The following LRMDA variants were observed in gnomAD, a reference collection of about 807,000 sequenced individuals.
The protein encoded by LRMDA is leucine-rich melanocyte differentiation-associated protein.
LRMDA carries 18 observed loss-of-function variants against 29.8 expected under a neutral mutation model. That is an observed-to-expected ratio of 0.60 (90% CI 0.42 to 0.90). LRMDA has a LOEUF of 0.90. LRMDA is among the 40% of genes least tolerant of loss of function. LRMDA has a pLI of 0.00. For missense variants in LRMDA, 273 were observed against 273.9 expected, an observed-to-expected ratio of 1.00 and a Z score of 0.02; for synonymous variants, 125 against 109.4, an observed-to-expected ratio of 1.14 and a Z score of -0.89.
At chr10:76,239,468 C>A (rs548273746) in intron 5 of LRMDA, among the ~76,000 whole-genome samples, 2 of 152,260 alleles carry the variant, frequency 1.3e-5, no homozygotes, top group East Asian at 3.9e-4. Flanking sequence ...GATTCAGTGT[C>A]CAAACACAGC....
chr10:75,781,670 T>C (rs1183168908), intron 2 of LRMDA, among the ~76,000 whole-genome samples: 2 of 152,146 alleles, frequency 1.3e-5, no homozygotes, highest in African/African-American at 4.8e-5. Flanking sequence ...TCGATTCACA[T>C]GCAAACTAGT....
chr10:75,605,328 A>T (rs1840943012), intron 2 of LRMDA, among the ~76,000 whole-genome samples: 1 of 152,204 alleles, frequency 6.6e-6, no homozygotes, highest in Non-Finnish European at 1.5e-5. Flanking sequence ...TATAGAAGAC[A>T]GTCTGTTCCA....
In LRMDA at chr10:76,078,422, A is replaced by G. The variant is rs150685408; in HGVS notation, c.516+19639A>G. On this transcript the variant is annotated intron_variant, in intron 5 of 6. Coordinates refer to ENST00000611255, the MANE Select transcript of LRMDA (RefSeq NM_001305581.2). ...TCCCAGCTTTTGAGAAAATTATTGG[A>G]CCTGTTATTACTGGAAGGAGGAGAA... is the stretch of plus-strand genomic sequence containing the variant. Among the ~76,000 whole-genome samples, 339 of 152,166 alleles carry G rather than the reference A, an allele frequency of 2.2e-3. 6 individuals are homozygous for G. The highest frequency in any genetic ancestry group is 7.1e-3 in the African/African-American group (293 of 41,518).
At chr10:76,176,027 A>G (rs977278391) in intron 5 of LRMDA, among the ~76,000 whole-genome samples, 3 of 152,220 alleles carry the variant, frequency 2.0e-5, no homozygotes, top group Admixed American at 6.5e-5. Flanking sequence ...GAGGCCTGCC[A>G]GACGGTGGGC....
At chr10:75,627,054 G>A (rs139336314) in intron 2 of LRMDA, among the ~76,000 whole-genome samples, 3 of 152,276 alleles carry the variant, frequency 2.0e-5, no homozygotes, top group African/African-American at 4.8e-5. Context: ...GGGCTGCATT[G>A]GTTCATGCTA....
At chr10:76,427,004 T>C (rs1435101455) in intron 6 of LRMDA, among the ~76,000 whole-genome samples, 2 of 152,338 alleles carry the variant, frequency 1.3e-5, no homozygotes, top group East Asian at 3.9e-4. Context: ...TTGGTTACTG[T>C]AGCCTTGTAG....
chr10:75,790,854 C>T (rs1185106754), intron 2 of LRMDA, among the ~76,000 whole-genome samples: 2 of 152,210 alleles, frequency 1.3e-5, no homozygotes, highest in African/African-American at 4.8e-5. Flanking sequence ...GACAAGCTAT[C>T]TAAGAACTGC....
chr10:75,868,165 G>A (rs917511380), intron 2 of LRMDA, among the ~76,000 whole-genome samples: 6 of 152,104 alleles, frequency 3.9e-5, no homozygotes, highest in South Asian at 2.1e-4. Context: ...GTTGGCTGTC[G>A]TCTTGGTAGG....
intron 2 of LRMDA, among the ~76,000 whole-genome samples, chr10:76,016,431 TA>T (rs1847880433): frequency 6.6e-6 from 1 of 152,160 alleles, no homozygotes; most frequent in African/African-American, 2.4e-5. Flanking sequence ...AGTGTTAACA[TA>T]ATAACCATTG....
At chr10:75,440,543 G>C (rs1435389729) in intron 2 of LRMDA, among the ~76,000 whole-genome samples, 1 of 152,106 alleles carries the variant, frequency 6.6e-6, no homozygotes, top group African/African-American at 2.4e-5. Context: ...CTCCTGACTT[G>C]AGTTGGGTGT....
At chr10:76,077,129 A>G (rs879856365) in intron 5 of LRMDA, among the ~76,000 whole-genome samples, 4 of 152,080 alleles carry the variant, frequency 2.6e-5, no homozygotes, top group Non-Finnish European at 5.9e-5. Context: ...CCCATCCCAA[A>G]TCATAGGCTG....
chr10:75,499,803 T>A (rs1157010944), intron 2 of LRMDA, among the ~76,000 whole-genome samples: 1 of 152,128 alleles, frequency 6.6e-6, no homozygotes, highest in African/African-American at 2.4e-5. Context: ...TGGGTAACAC[T>A]GCTTTCTCCC....
intron 6 of LRMDA, among the ~76,000 whole-genome samples, chr10:76,377,316 A>G (rs1841534059): frequency 6.6e-6 from 1 of 152,144 alleles, no homozygotes; most frequent in South Asian, 2.1e-4. Flanking sequence ...TTGGATGCAT[A>G]GTTTACAGAT....
chr10:75,895,640 A>C (rs575942112), intron 2 of LRMDA, among the ~76,000 whole-genome samples: 1 of 152,342 alleles, frequency 6.6e-6, no homozygotes, highest in Admixed American at 6.5e-5. Context: ...AGTAAATGTC[A>C]GGTATTACAT....
intron 2 of LRMDA, among the ~76,000 whole-genome samples, chr10:75,474,533 C>T (rs997956956): frequency 1.3e-5 from 2 of 152,202 alleles, no homozygotes; most frequent in African/African-American, 4.8e-5. Flanking sequence ...ATACCATCAT[C>T]TCGAGGGTGA....
At chr10:76,144,432 G>T (rs1306092151) in intron 5 of LRMDA, among the ~76,000 whole-genome samples, 1 of 151,942 alleles carries the variant, frequency 6.6e-6, no homozygotes, top group East Asian at 1.9e-4. Flanking sequence ...GGATTCCTAG[G>T]TATTTTATTC....
intron 1 of LRMDA, among the ~76,000 whole-genome samples, chr10:75,437,950 G>T (rs1844280173): frequency 6.6e-6 from 1 of 152,184 alleles, no homozygotes; most frequent in Non-Finnish European, 1.5e-5. Flanking sequence ...TTGGATGCTG[G>T]TAAGTGCATC....
At chr10:75,477,555 T>C (rs1283878603) in intron 2 of LRMDA, among the ~76,000 whole-genome samples, 7 of 152,246 alleles carry the variant, frequency 4.6e-5, no homozygotes, top group Non-Finnish European at 1.0e-4. Flanking sequence ...TCCTTAACTC[T>C]GTGCATGGTT....
intron 6 of LRMDA, among the ~76,000 whole-genome samples, chr10:76,446,545 A>G (rs1842355682): frequency 1.3e-5 from 2 of 152,118 alleles, no homozygotes; most frequent in Admixed American, 6.6e-5. Context: ...ATTTTTTCTT[A>G]ATATTTTGTA....
Sources: allele counts gnomAD v4.1 joint callset (sites outside exome capture counted in the v4.1 genomes callset), GRCh38; gene constraint gnomAD v4.1.1; transcripts MANE v1.5; gene names NCBI Gene and HGNC (gene_info 2026-07-23, HGNC 2026-07-21).